The following CENPM variants were observed in gnomAD, a reference collection of about 807,000 sequenced individuals.
CENPM encodes interphase centromere complex protein 39.
Under a neutral mutation model 19.6 loss-of-function variants are expected in CENPM, and 14 were observed. The ratio of observed to expected loss-of-function variants is 0.71; its 90% CI spans 0.47 to 1.11. The LOEUF (loss-of-function observed/expected upper bound fraction) is 1.11, where lower values mean the gene tolerates loss of function less well. Ranked by LOEUF, CENPM falls within the 50% of genes most tolerant of loss-of-function variation. The pLI, the probability that CENPM is intolerant of heterozygous loss-of-function variation, is 0.00. For missense variants in CENPM, 239 were observed against 228.4 expected, an observed-to-expected ratio of 1.05 and a Z score of -0.30; for synonymous variants, 114 against 101.5, an observed-to-expected ratio of 1.12 and a Z score of -0.74.
In CENPM at chr22:41,946,477, G is replaced by C. The variant is rs758427044; in HGVS notation, c.77C>G (p.Ala26Gly). Residue 26 changes from alanine to glycine, a missense_variant, in exon 2 of 6, where the codon GCT becomes GGT. By Grantham distance (60) the Ala-to-Gly change is moderately conservative (BLOSUM62 0). Transcript: ENST00000215980. ...ATILLVGTED[A>G]LLQQLADSML... ...CGAGTCCGCCAGCTGCTGCAGAAGA[G>C]CATCCTCCGTGCCCACCAGCTGCGC... The C allele has an allele frequency of 2.5e-6, 4 of 1,613,140 alleles. No individual in the cohort carries two copies. Among genetic ancestry groups the C allele is most frequent in the Non-Finnish European group, 3.4e-6 (4 of 1,179,990 alleles).
the CENPM span, among the ~76,000 whole-genome samples, chr22:41,931,608 T>G: frequency 6.6e-6 from 1 of 152,186 alleles, no homozygotes; most frequent in Non-Finnish European, 1.5e-5. Context: ...CAGGTACTAT[T>G]AGGACATTTT....
chr22:41,939,332 G>C, intron 5 of CENPM, 136 bp from the exon 6 acceptor site: 1 of 1,021,980 alleles, frequency 9.8e-7, no homozygotes, highest in Non-Finnish European at 1.4e-6. Flanking sequence ...GCCCACCACA[G>C]CCACGCCCTC....
downstream of CENPM, among the ~76,000 whole-genome samples, chr22:41,938,455 TC>T (rs1419922452): frequency 7.3e-6 from 1 of 137,440 alleles, no homozygotes; most frequent in Non-Finnish European, 1.5e-5. Context: ...AACCTCCGCC[TC>T]CCGGGTTCAA....
chr22:41,937,216 C>A (rs1187807988), downstream of CENPM, among the ~76,000 whole-genome samples: 2 of 152,244 alleles, frequency 1.3e-5, no homozygotes, highest in African/African-American at 2.4e-5. Context: ...CAAAATGAGA[C>A]CTCCAGCCAG....
downstream of CENPM, among the ~76,000 whole-genome samples, chr22:41,935,587 C>G (rs2077680269): frequency 6.6e-6 from 1 of 152,186 alleles, no homozygotes; most frequent in African/African-American, 2.4e-5. Context: ...GCCCTGGAGC[C>G]TCCCCTCCTC....
Position 41,939,107 on chromosome 22 carries a change from G to T in CENPM, c.492C>A (p.Asn164Lys). Residue 164 changes from asparagine to lysine, a missense_variant, in exon 6 of 6, where the codon AAC becomes AAA. Asn to Lys is a moderately conservative substitution (Grantham distance 94). Transcript: ENST00000215980. The part of the protein sequence containing the change: ...AGHVPGVSAL[N>K]LLSLLRSSEG... The stretch of plus-strand genomic sequence containing the variant: ...CAGAGCTTCTCAGCAGGGACAGCAG[G>T]TTCAGAGCTGAGACACCGGGCACGT... The T allele has an allele frequency of 6.2e-7, 1 of 1,613,090 alleles. No homozygotes were observed. The highest frequency in any genetic ancestry group is 8.5e-7 in the Non-Finnish European group (1 of 1,180,010).
At position 41,945,273 on chromosome 22, in the gene CENPM, C is replaced by T; in HGVS notation, c.262G>A (p.Val88Met). 1 of 1,613,994 alleles carries T rather than the reference C, an allele frequency of 6.2e-7. No individual in the cohort carries two copies. Among genetic ancestry groups the T allele is most frequent in the Non-Finnish European group, 8.5e-7 (1 of 1,180,010 alleles). ...LQNTEESLRH[V>M]DASFFLGKVC... Reference sequence around the variant, plus strand: ...TTCCCCAAGAAGAAGCTGGCATCCACATGGCGCAGGGACTCCTCTGTGTTC... The same window carrying T: ...TTCCCCAAGAAGAAGCTGGCATCCATATGGCGCAGGGACTCCTCTGTGTTC... The change falls in exon 4 of 6, where the codon GTG (valine) becomes ATG (methionine). Residue 88 changes from valine to methionine, a missense_variant. Physicochemically the swap from Val to Met is conservative, Grantham distance 21. Transcript: ENST00000215980.
chr22:41,943,564 C>T, intron 5 of CENPM, 46 bp downstream of exon 5: 1 of 1,546,050 alleles, frequency 6.5e-7, no homozygotes, highest in Non-Finnish European at 8.9e-7. Flanking sequence ...ACCACCCTTT[C>T]CCCGCACCCG....
the CENPM span, among the ~76,000 whole-genome samples, chr22:41,929,827 C>T: frequency 6.6e-6 from 1 of 151,810 alleles, no homozygotes; most frequent in African/African-American, 2.4e-5. Context: ...GGGGCTGCAG[C>T]AGGCCCTGTG....
chr22:41,928,853 G>A, the CENPM span, among the ~76,000 whole-genome samples: 1 of 151,676 alleles, frequency 6.6e-6, no homozygotes, highest in Non-Finnish European at 1.5e-5. The surrounding 1 kb of genome is among the most constrained non-coding windows in gnomAD (Gnocchi z 4.0). Flanking sequence ...AGGGCAGGTG[G>A]CCCAGGGCAG....
At position 41,946,761 on chromosome 22, in the gene CENPM, G is replaced by A. The variant is rs3752592; in HGVS notation, c.57+259C>T. 7 of 598,552 alleles carry A rather than the reference G, an allele frequency of 1.2e-5. No homozygotes were observed. The South Asian group carries it at 1.2e-4, about 10-fold the overall frequency. The allele number at this position is 598,552 out of a possible 1,614,324, so 37.1% of individuals were successfully genotyped here. On this transcript the variant is annotated intron_variant, in intron 1 of 5. Transcript: ENST00000215980. ...TCCAGGAGGCCAGACCCCCAGACGCGGGAAAACCAATTCCAGGCGCGGGAA... is the reference window on the plus strand; with the variant it reads ...TCCAGGAGGCCAGACCCCCAGACGCAGGAAAACCAATTCCAGGCGCGGGAA...
downstream of CENPM, among the ~76,000 whole-genome samples, chr22:41,938,364 T>A (rs2077693851): frequency 1.6e-5 from 1 of 61,144 alleles, no homozygotes; most frequent in Admixed American, 2.2e-4. Flanking sequence ...CTGGTCTCGC[T>A]TTTTTTTTTT....
chr22:41,932,434 C>T, the CENPM span, among the ~76,000 whole-genome samples: 7 of 152,202 alleles, frequency 4.6e-5, no homozygotes, highest in African/African-American at 7.2e-5. This position sits in a 1 kb window ranked among gnomAD's most constrained non-coding sequence, Gnocchi z 4.3. Flanking sequence ...TCCCGTTCCT[C>T]CCCGAACCCA....
chr22:41,938,166 G>A (rs1436873928), downstream of CENPM, among the ~76,000 whole-genome samples: 1 of 146,574 alleles, frequency 6.8e-6, no homozygotes, highest in Non-Finnish European at 1.5e-5. Context: ...TTTTGAGACG[G>A]AGTCTCGCTC....
chr22:41,928,069 G>C, the CENPM span: 2 of 288,726 alleles, frequency 6.9e-6, no homozygotes, highest in African/African-American at 2.3e-5. The surrounding 1 kb of genome is among the most constrained non-coding windows in gnomAD (Gnocchi z 4.0). Flanking sequence ...GGACCGAAAG[G>C]CTGGACTGGG....
the CENPM span, among the ~76,000 whole-genome samples, chr22:41,931,713 T>C: frequency 6.6e-6 from 1 of 151,650 alleles, no homozygotes; most frequent in African/African-American, 2.4e-5. Context: ...TCCACCTGAC[T>C]GTGAAGCGTG....
At position 41,945,265 on chromosome 22, in the gene CENPM, G is replaced by T; in HGVS notation, c.270C>A (p.Ala90=). 2.5e-6 allele frequency: 4 copies of T among 1,613,954 alleles called. No individual in the cohort carries two copies. The highest frequency in any genetic ancestry group is 3.4e-6 in the Non-Finnish European group (4 of 1,180,012). The part of the protein sequence containing the change: ...NTEESLRHVD[A]SFFLGKVCFL... Reference sequence around the variant, plus strand: ...AACACACCTTCCCCAAGAAGAAGCTGGCATCCACATGGCGCAGGGACTCCT... The same window carrying T: ...AACACACCTTCCCCAAGAAGAAGCTTGCATCCACATGGCGCAGGGACTCCT... Residue 90 remains alanine, a synonymous_variant, in exon 4 of 6, where the codon GCC becomes GCA. Transcript: ENST00000215980.
chr22:41,935,195 G>A (rs867697426), downstream of CENPM, among the ~76,000 whole-genome samples: 2 of 152,190 alleles, frequency 1.3e-5, no homozygotes, highest in South Asian at 2.1e-4. Context: ...GCTGGAGAAT[G>A]CGATGCCACT....
At chr22:41,944,109 A>G (rs1344169530) in intron 4 of CENPM, 1 of 985,290 alleles carries the variant, frequency 1.0e-6, no homozygotes, top group African/African-American at 1.7e-5. Flanking sequence ...GGTTAGCAAG[A>G]CAAAGAAGAG....
Sources: allele counts gnomAD v4.1 joint callset (sites outside exome capture counted in the v4.1 genomes callset), GRCh38; gene constraint gnomAD v4.1.1; non-coding constraint Gnocchi (gnomAD v3.1); transcripts MANE v1.5; gene names NCBI Gene and HGNC (gene_info 2026-07-23, HGNC 2026-07-21).